CFAP54: variants seen among roughly 807,000 people sequenced by gnomAD.
The protein encoded by CFAP54 is cilia and flagella associated protein 54, also known as cilia- and flagella-associated protein 54.
Under a neutral mutation model 370.4 loss-of-function variants are expected in CFAP54, and 290 were observed. The ratio of observed to expected loss-of-function variants is 0.78; its 90% CI spans 0.71 to 0.86. The LOEUF is 0.86. Among genes scored for constraint, CFAP54 ranks in the 40% least tolerant of loss-of-function variants. The pLI is 0.00. For missense variants in CFAP54, 3,399 were observed against 3,528.7 expected, an observed-to-expected ratio of 0.96 and a Z score of 0.93; for synonymous variants, 1,206 against 1,236.5, an observed-to-expected ratio of 0.98 and a Z score of 0.52.
chr12:96,621,875 G>GTTTGTTTTTTTTTTTTTTTTTTTTT (rs1956496257), intron 27 of CFAP54, among the ~76,000 whole-genome samples, 154 bp downstream of exon 27: 5 of 50,036 alleles, frequency 1.0e-4, no homozygotes, highest in Non-Finnish European at 1.7e-4. Flanking sequence ...TTTTGGGTTT[G>GTTTGTTTTTTTTTTTTTTTTTTTTT]TTTTTTTTTT....
intron 60 of CFAP54, among the ~76,000 whole-genome samples, chr12:96,769,824 A>G (rs1475713167): frequency 6.6e-6 from 1 of 152,158 alleles, no homozygotes; most frequent in Non-Finnish European, 1.5e-5. Flanking sequence ...AAGCACATCC[A>G]TTACCTTACA....
rs531642616 is a variant in CFAP54, at chr12:96,819,903, C to A, written c.9096+1990C>A. On this transcript the variant is annotated intron_variant, in intron 65 of 67. Coordinates refer to ENST00000524981, the MANE Select transcript of CFAP54 (RefSeq NM_001306084.2). ...CCTGCTGCATAGCCCTGCTTCTGGG[C>A]CCTCCTTGTGACACTTTTTGGGTTG... Among the ~76,000 whole-genome samples, 292 of 152,318 alleles carry A rather than the reference C, an allele frequency of 1.9e-3. 1 individual carries two copies. Among genetic ancestry groups the A allele is most frequent in the Middle Eastern group, 3.4e-3 (1 of 294 alleles).
chr12:96,797,774 A>C (rs1011308885), intron 63 of CFAP54, among the ~76,000 whole-genome samples: 1 of 151,958 alleles, frequency 6.6e-6, no homozygotes, highest in Admixed American at 6.6e-5. Flanking sequence ...GCTTCTTATA[A>C]AAGGTATGTT....
chr12:96,573,899 G>A (rs1955950002), intron 19 of CFAP54, among the ~76,000 whole-genome samples: 1 of 152,146 alleles, frequency 6.6e-6, no homozygotes. Context: ...TAAGATTCTT[G>A]ACCTGCATAT....
At chr12:96,829,252 A>T (rs1449532721) in intron 66 of CFAP54, among the ~76,000 whole-genome samples, 164 bp downstream of exon 66, 1 of 152,124 alleles carries the variant, frequency 6.6e-6, no homozygotes, top group Admixed American at 6.6e-5. Flanking sequence ...TATTTTGGTT[A>T]AAAAAATTAT....
intron 50 of CFAP54, among the ~76,000 whole-genome samples, chr12:96,726,872 T>C (rs1957847003): frequency 2.0e-5 from 3 of 151,666 alleles, no homozygotes; most frequent in African/African-American, 4.8e-5. Flanking sequence ...TCTGGTATGT[T>C]GTGTCTTTGT....
intron 39 of CFAP54, among the ~76,000 whole-genome samples, chr12:96,664,699 A>ATATATATATATATC (rs1555282976): frequency 1.3e-3 from 11 of 8,216 alleles, no homozygotes; most frequent in African/African-American, 4.4e-3. Context: ...GTATATATCT[A>ATATATATATATATC]TATATATATA....
At chr12:96,642,719 T>C (rs1271287171) in intron 32 of CFAP54, among the ~76,000 whole-genome samples, 2 of 152,222 alleles carry the variant, frequency 1.3e-5, no homozygotes, top group Admixed American at 6.5e-5. Context: ...ATTCGGGTGT[T>C]TATCTGCTTC....
chr12:96,812,090 C>G (rs940869620), intron 64 of CFAP54, among the ~76,000 whole-genome samples: 5 of 152,180 alleles, frequency 3.3e-5, no homozygotes, highest in African/African-American at 1.2e-4. Flanking sequence ...TATGTAACCT[C>G]TGTACTTCAG....
intron 48 of CFAP54, among the ~76,000 whole-genome samples, chr12:96,716,300 A>G (rs936295818): frequency 9.2e-5 from 14 of 152,082 alleles, no homozygotes; most frequent in Admixed American, 8.5e-4. Context: ...TTGCTTGGAG[A>G]TGTTTCTCTT....
chr12:96,644,374 A>C lies in CFAP54; in HGVS notation c.4513A>C (p.Lys1505Gln), dbSNP rs1433399438. 2 of 1,535,924 alleles carry C rather than the reference A, an allele frequency of 1.3e-6. No homozygotes were observed. The highest frequency in any genetic ancestry group is 1.7e-6 in the Non-Finnish European group (2 of 1,146,740). The change falls in exon 33 of 68, where the codon AAG becomes CAG. Residue 1505 changes from lysine to glutamine, a missense_variant. Physicochemically the swap from Lys to Gln is moderately conservative, Grantham distance 53 (BLOSUM62 1). Coordinates refer to ENST00000524981, the MANE Select transcript of CFAP54 (RefSeq NM_001306084.2). The part of the protein sequence containing the change: ...LVLQKLWECT[K>Q]MKFGTSHMMV... ...TTTACAAAAGCTATGGGAGTGTACG[A>C]AGATGAAATTTGGCACATCACATAT...
chr12:96,530,853 T>C (rs922601404), intron 9 of CFAP54, among the ~76,000 whole-genome samples: 2 of 152,214 alleles, frequency 1.3e-5, no homozygotes, highest in Non-Finnish European at 2.9e-5. Context: ...TATCATTACT[T>C]TTTTATTTTA....
At chr12:96,797,459 T>C (rs1370001905) in intron 63 of CFAP54, among the ~76,000 whole-genome samples, 1 of 152,056 alleles carries the variant, frequency 6.6e-6, no homozygotes, top group Non-Finnish European at 1.5e-5. Flanking sequence ...CATTGTTTAG[T>C]TTTTTCTTAC....
At chr12:96,568,964 C>T (rs2136414828) in intron 19 of CFAP54, among the ~76,000 whole-genome samples, 1 of 151,408 alleles carries the variant, frequency 6.6e-6, no homozygotes, top group Admixed American at 6.6e-5. Context: ...GGTTATTTGA[C>T]CTCTGGAAGT....
intron 67 of CFAP54, among the ~76,000 whole-genome samples, chr12:96,865,686 G>A (rs555505144): frequency 1.3e-5 from 2 of 152,092 alleles, no homozygotes; most frequent in South Asian, 4.2e-4. Flanking sequence ...AAAACACATC[G>A]ATTCCCTTCC....
At chr12:96,522,066 A>G (rs1467179347) in intron 7 of CFAP54, 22 bp from the exon 8 acceptor site, 6 of 1,531,820 alleles carry the variant, frequency 3.9e-6, no homozygotes, top group Non-Finnish European at 5.2e-6. Flanking sequence ...TATTTCATGT[A>G]TAATTCTGCT....
chr12:96,601,216 A>T (rs1417309593), intron 26 of CFAP54, among the ~76,000 whole-genome samples: 1 of 152,152 alleles, frequency 6.6e-6, no homozygotes, highest in African/African-American at 2.4e-5. Context: ...TGAGATAATC[A>T]TGTGGTTTTT....
intron 5 of CFAP54, among the ~76,000 whole-genome samples, chr12:96,514,474 G>T (rs979580848): frequency 1.3e-5 from 2 of 152,208 alleles, no homozygotes; most frequent in African/African-American, 4.8e-5. Flanking sequence ...TTGGCCCGCA[G>T]ACTACTGCAA....
At chr12:96,516,790 A>G (rs1244274805) in intron 5 of CFAP54, among the ~76,000 whole-genome samples, 1 of 152,196 alleles carries the variant, frequency 6.6e-6, no homozygotes, top group African/African-American at 2.4e-5. Context: ...AGTTACTGTC[A>G]AATTATTTCA....
Sources: allele counts gnomAD v4.1 joint callset (sites outside exome capture counted in the v4.1 genomes callset), GRCh38; gene constraint gnomAD v4.1.1; transcripts MANE v1.5; gene names NCBI Gene and HGNC (gene_info 2026-07-23, HGNC 2026-07-21).